The following ZNF804A variants were observed in gnomAD, a reference collection of about 807,000 sequenced individuals.
ZNF804A encodes zinc finger protein 804A.
ZNF804A carries 2 observed loss-of-function variants against 16.5 expected under a neutral mutation model. The ratio of observed to expected loss-of-function variants is 0.12; its 90% CI spans 0.05 to 0.38. ZNF804A has a LOEUF of 0.38. Ranked by LOEUF, ZNF804A falls within the 10% of genes least tolerant of loss-of-function variation. The pLI is 0.99. For synonymous variants in ZNF804A, 534 were observed against 489.6 expected (o/e 1.09, Z -1.20); for missense variants, 1,473 against 1,390.7 (o/e 1.06, Z -0.94).
At chr2:184,844,414 G>A (rs1213366917) in intron 1 of ZNF804A, among the ~76,000 whole-genome samples, 1 of 151,974 alleles carries the variant, frequency 6.6e-6, no homozygotes. Flanking sequence ...TGTTGGTGAT[G>A]AATTTGGCAG....
chr2:184,698,961 G>A (rs1202747906), intron 1 of ZNF804A, among the ~76,000 whole-genome samples: 2 of 152,088 alleles, frequency 1.3e-5, no homozygotes, highest in Non-Finnish European at 2.9e-5. Context: ...TGGCAGGGAA[G>A]ATTAATTTAC....
At chr2:184,846,779 A>G (rs1315645531) in intron 1 of ZNF804A, among the ~76,000 whole-genome samples, 1 of 152,076 alleles carries the variant, frequency 6.6e-6, no homozygotes, top group African/African-American at 2.4e-5. Flanking sequence ...TTACCCAGAG[A>G]GTCTAATAAG....
chr2:184,682,664 C>T (rs966939110), intron 1 of ZNF804A, among the ~76,000 whole-genome samples: 39 of 152,096 alleles, frequency 2.6e-4, no homozygotes, highest in African/African-American at 9.2e-4. Context: ...CTCTGTCATT[C>T]GATATGCAAA....
At chr2:184,627,592 T>C (rs1691526180) in intron 1 of ZNF804A, among the ~76,000 whole-genome samples, 1 of 152,234 alleles carries the variant, frequency 6.6e-6, no homozygotes, top group African/African-American at 2.4e-5. Context: ...TAGCTTGACA[T>C]TTGTTGAATA....
chr2:184,829,520 A>G (rs1695224867), intron 1 of ZNF804A, among the ~76,000 whole-genome samples: 2 of 152,044 alleles, frequency 1.3e-5, no homozygotes, highest in Admixed American at 6.6e-5. Context: ...TTACCCTCCT[A>G]AAGATGATAC....
chr2:184,747,258 G>C (rs1328274871), intron 1 of ZNF804A, among the ~76,000 whole-genome samples: 1 of 141,714 alleles, frequency 7.1e-6, no homozygotes, highest in Non-Finnish European at 1.5e-5. Context: ...AGGGCAACCC[G>C]CTCGGGTCCC....
chr2:184,820,480 G>A (rs1695059551), intron 1 of ZNF804A, among the ~76,000 whole-genome samples: 3 of 151,992 alleles, frequency 2.0e-5, no homozygotes, highest in African/African-American at 7.3e-5. Context: ...GGCAAAAACT[G>A]GAAGCATTCC....
intron 1 of ZNF804A, among the ~76,000 whole-genome samples, chr2:184,769,751 G>A (rs1478414179): frequency 5.3e-5 from 8 of 151,862 alleles, no homozygotes; most frequent in African/African-American, 1.9e-4. Context: ...GAAATATGAA[G>A]GTAAATAGAA....
At chr2:184,908,254 C>T (rs778724522) in intron 2 of ZNF804A, among the ~76,000 whole-genome samples, 5 of 152,008 alleles carry the variant, frequency 3.3e-5, no homozygotes, top group Non-Finnish European at 5.9e-5. Flanking sequence ...GGATCATGGC[C>T]TCTTTCTCCA....
At chr2:184,690,800 G>C (rs1454647544) in intron 1 of ZNF804A, among the ~76,000 whole-genome samples, 1 of 151,852 alleles carries the variant, frequency 6.6e-6, no homozygotes, top group Non-Finnish European at 1.5e-5. Flanking sequence ...TACTGTGGGT[G>C]GTTTAGAAAA....
Position 184,751,136 on chromosome 2 carries a change from C to T in ZNF804A, c.112-115233C>T, listed in dbSNP as rs1005734319. ...GCTGTGAATAATGCTACAATCAACA[C>T]GTGAGTGCAGATATTTCTCCAAGAT... On this transcript the variant is annotated intron_variant, in intron 1 of 3. Transcript: ENST00000302277. Among the ~76,000 whole-genome samples, 11 of 151,548 alleles carry T rather than the reference C, an allele frequency of 7.3e-5. No individual in the cohort carries two copies. The East Asian group carries it at 7.8e-4, about 11-fold the overall frequency.
intron 1 of ZNF804A, among the ~76,000 whole-genome samples, chr2:184,796,788 C>T (rs1694635464): frequency 6.6e-6 from 1 of 152,060 alleles, no homozygotes; most frequent in African/African-American, 2.4e-5. Flanking sequence ...CCCTTAGCAT[C>T]GACTTTGCTG....
chr2:184,623,307 T>A lies in ZNF804A; in HGVS notation c.111+24237T>A, dbSNP rs552216968. The stretch of plus-strand genomic sequence containing the variant: ...AAATCCTGACATGAAATTAAAAAAA[T>A]TCATTTTAATGCTTGCATGAAGTAA... On this transcript the variant is annotated intron_variant, in intron 1 of 3. Transcript: ENST00000302277. Among the ~76,000 whole-genome samples the A allele has an allele frequency of 1.8e-3, 276 of 152,172 alleles. 1 individual carries two copies. The highest frequency in any genetic ancestry group is 2.0e-3 in the Non-Finnish European group (137 of 67,948).
At chr2:184,817,095 T>G (rs765811376) in intron 1 of ZNF804A, among the ~76,000 whole-genome samples, 7 of 151,922 alleles carry the variant, frequency 4.6e-5, no homozygotes, top group Non-Finnish European at 8.8e-5. Context: ...AGTAAAACCA[T>G]GAGCATTTGG....
chr2:184,793,344 C>A (rs180950297), intron 1 of ZNF804A, among the ~76,000 whole-genome samples: 1 of 152,096 alleles, frequency 6.6e-6, no homozygotes, highest in Non-Finnish European at 1.5e-5. Flanking sequence ...TTTGAGAAAC[C>A]TCCAAAGTGC....
At chr2:184,803,805 T>C (rs943153050) in intron 1 of ZNF804A, among the ~76,000 whole-genome samples, 1 of 152,008 alleles carries the variant, frequency 6.6e-6, no homozygotes, top group African/African-American at 2.4e-5. Flanking sequence ...CCAATCTGTG[T>C]ATCTGTCTTC....
rs575656779 is a variant in ZNF804A at position 184,765,121 on chromosome 2, C to T, written c.112-101248C>T. On this transcript the variant is annotated intron_variant, in intron 1 of 3. Coordinates refer to ENST00000302277, the MANE Select transcript of ZNF804A (RefSeq NM_194250.2). ...TATTTGTGTTTTTAATTGGTATATTCGTAAGAATATAGTTTTGCTGGTGAC... is the reference window on the plus strand; with the variant it reads ...TATTTGTGTTTTTAATTGGTATATTTGTAAGAATATAGTTTTGCTGGTGAC... 1.2e-4 allele frequency among the ~76,000 whole-genome samples: 18 copies of T among 152,146 alleles called. No homozygotes were observed. The South Asian group carries it at 1.5e-3, about 12-fold the overall frequency.
At chr2:184,913,190 G>A (rs1040480234) in intron 2 of ZNF804A, among the ~76,000 whole-genome samples, 2 of 152,026 alleles carry the variant, frequency 1.3e-5, no homozygotes, top group Non-Finnish European at 2.9e-5. Flanking sequence ...TATAGCTTTA[G>A]ACCTCCTTCT....
In ZNF804A at chr2:184,938,411, A is replaced by G. The variant is rs183970757; in HGVS notation, c.3015A>G (p.Leu1005=). The change falls in exon 4 of 4, where the codon TTA becomes TTG. Residue 1005 remains leucine, a synonymous_variant. Transcript: ENST00000302277. The part of the protein sequence containing the change: ...NSGILNTQPP[L]PFKEAHVSGH... ...GAATCCTTAACACACAACCACCATT[A>G]CCATTCAAAGAAGCACATGTCAGTG... 19 of 1,614,112 alleles carry G rather than the reference A, an allele frequency of 1.2e-5. No individual in the cohort carries two copies. The East Asian group carries it at 4.2e-4, about 36-fold the overall frequency.
Sources: gnomAD v4.1 joint callset for allele counts (sites outside exome capture counted in the v4.1 genomes callset) on GRCh38, gnomAD v4.1.1 for gene constraint, MANE v1.5 for transcripts, NCBI Gene and HGNC (gene_info 2026-07-23, HGNC 2026-07-21) for gene names.